UNC5C: variants seen among roughly 807,000 people sequenced by gnomAD.
The protein encoded by UNC5C is netrin receptor UNC5C.
UNC5C carries 47 observed loss-of-function variants against 99.8 expected under a neutral mutation model. That is an observed-to-expected ratio of 0.47 (90% CI 0.37 to 0.60). UNC5C has a LOEUF of 0.60. Ranked by LOEUF, UNC5C falls within the 20% of genes least tolerant of loss-of-function variation. The pLI is 0.00. For missense variants in UNC5C, 1,062 were observed against 1,165.9 expected (o/e 0.91, Z 1.30); for synonymous variants, 487 against 452.2 (o/e 1.08, Z -0.98).
At chr4:95,395,676 T>C (rs533946042) in intron 1 of UNC5C, among the ~76,000 whole-genome samples, 1 of 152,294 alleles carries the variant, frequency 6.6e-6, no homozygotes, top group South Asian at 2.1e-4. Context: ...CATAGCAGTT[T>C]CTCCCATACA....
intron 1 of UNC5C, among the ~76,000 whole-genome samples, chr4:95,504,251 G>T (rs1200136291): frequency 1.3e-5 from 2 of 151,916 alleles, no homozygotes; most frequent in Non-Finnish European, 2.9e-5. Flanking sequence ...AACACTTAGG[G>T]CTTCTGCCTC....
intron 1 of UNC5C, among the ~76,000 whole-genome samples, chr4:95,517,525 G>A (rs890093125): frequency 1.3e-5 from 2 of 152,148 alleles, no homozygotes; most frequent in African/African-American, 4.8e-5. Flanking sequence ...TAATCTTATT[G>A]AAATGCTCCT....
chr4:95,494,648 G>C (rs1428489898), intron 1 of UNC5C, among the ~76,000 whole-genome samples: 1 of 151,508 alleles, frequency 6.6e-6, no homozygotes, highest in East Asian at 1.9e-4. Flanking sequence ...ATGGAGGACA[G>C]AGGTCTTCTG....
At position 95,164,672 on chromosome 4, in the gene UNC5C, T is replaced by C. The variant is rs1735794625; in HGVS notation, c.*4562A>G. ...ATTATCTTGAGCAATGATGTACTGC[T>C]TCACAAAAGCTCTTCCATTCTCAAA... is the stretch of plus-strand genomic sequence containing the variant. On this transcript the variant is annotated 3_prime_UTR_variant, in exon 16 of 16. Transcript: ENST00000453304. 6.6e-6 allele frequency: 1 copy of C among 152,248 alleles called. No homozygotes were observed. The highest frequency in any genetic ancestry group is 2.4e-5 in the African/African-American group (1 of 41,476). 9.4% of individuals were successfully genotyped at this position (152,248 alleles called of 1,614,324 possible).
chr4:95,513,924 T>C (rs1056435064), intron 1 of UNC5C, among the ~76,000 whole-genome samples: 1 of 152,194 alleles, frequency 6.6e-6, no homozygotes, highest in African/African-American at 2.4e-5. Flanking sequence ...TAACTTTCTT[T>C]TAAACTTTAA....
chr4:95,268,371 ATGTTT>A (rs1740530858), intron 4 of UNC5C, among the ~76,000 whole-genome samples: 1 of 152,204 alleles, frequency 6.6e-6, no homozygotes, highest in Admixed American at 6.5e-5. Flanking sequence ...GGGCAATGTA[ATGTTT>A]TGTTGTTGTT....
chr4:95,170,979 T>C (rs910200424), intron 14 of UNC5C, among the ~76,000 whole-genome samples: 1 of 152,260 alleles, frequency 6.6e-6, no homozygotes, highest in Non-Finnish European at 1.5e-5. Context: ...AATTGCTGTA[T>C]ATCCTTATTT....
At chr4:95,323,133 C>A (rs1415122862) in intron 2 of UNC5C, among the ~76,000 whole-genome samples, 2 of 152,054 alleles carry the variant, frequency 1.3e-5, no homozygotes, top group African/African-American at 4.8e-5. Context: ...TGAGATACTT[C>A]TTTAAGAATG....
chr4:95,169,144 A>G lies in UNC5C; in HGVS notation c.*90T>C. 1 of 1,541,278 alleles carries G rather than the reference A, an allele frequency of 6.5e-7. No homozygotes were observed. Among genetic ancestry groups the G allele is most frequent in the Non-Finnish European group, 8.9e-7 (1 of 1,128,964 alleles). The stretch of plus-strand genomic sequence containing the variant: ...CTTGCCTGTGAAGTGCATTGGTCTC[A>G]TCTGGATTTCCTCCTCAGCTGTGAT... On this transcript the variant is annotated 3_prime_UTR_variant, in exon 16 of 16. Transcript: ENST00000453304.
intron 1 of UNC5C, among the ~76,000 whole-genome samples, chr4:95,422,854 C>T (rs1746360968): frequency 6.6e-6 from 1 of 152,158 alleles, no homozygotes; most frequent in African/African-American, 2.4e-5. Flanking sequence ...TGTGTTTCCT[C>T]TTCCAGATGC....
chr4:95,301,279 T>TCTGCCTCCTGGGTTCAGGC lies in UNC5C; in HGVS notation c.490+308_490+326dup, dbSNP rs566128215. ...GGCATAATCTCGGCTCACTGCAAGCTCTGCCTCCTGGGTTCAGGCCATTCT... is the reference window on the plus strand; with the variant it reads ...GGCATAATCTCGGCTCACTGCAAGCTCTGCCTCCTGGGTTCAGGCCTGCCTCCTGGGTTCAGGCCATTCT... On this transcript the variant is annotated intron_variant, in intron 3 of 15. Transcript: ENST00000453304. Among the ~76,000 whole-genome samples, 118 of 147,348 alleles carry TCTGCCTCCTGGGTTCAGGC rather than the reference T, an allele frequency of 8.0e-4. 1 individual carries two copies. Among genetic ancestry groups the TCTGCCTCCTGGGTTCAGGC allele is most frequent in the African/African-American group, 2.9e-3 (115 of 40,042 alleles).
At chr4:95,208,845 G>A (rs1010818182) in intron 10 of UNC5C, among the ~76,000 whole-genome samples, 2 of 152,084 alleles carry the variant, frequency 1.3e-5, no homozygotes, top group African/African-American at 4.8e-5. Context: ...TCTAGTTTTT[G>A]TCTATGGTTT....
chr4:95,478,243 C>T (rs1406443392), intron 1 of UNC5C, among the ~76,000 whole-genome samples: 1 of 151,876 alleles, frequency 6.6e-6, no homozygotes, highest in Non-Finnish European at 1.5e-5. Flanking sequence ...TCTAGTAATC[C>T]TTGCCAGTAA....
intron 1 of UNC5C, among the ~76,000 whole-genome samples, chr4:95,524,551 G>A (rs1332330459): frequency 2.0e-5 from 3 of 152,132 alleles, no homozygotes; most frequent in Non-Finnish European, 4.4e-5. Flanking sequence ...ACTGGAAGCT[G>A]CCACCATATT....
At chr4:95,275,025 C>CAAACAAAACAAAATA (rs1553959878) in intron 4 of UNC5C, among the ~76,000 whole-genome samples, 14 of 150,278 alleles carry the variant, frequency 9.3e-5, no homozygotes, top group Admixed American at 1.3e-4. Flanking sequence ...GACTCCGTGT[C>CAAACAAAACAAAATA]AAACAAAACA....
At chr4:95,306,009 T>C (rs1320834284) in intron 2 of UNC5C, among the ~76,000 whole-genome samples, 1 of 152,100 alleles carries the variant, frequency 6.6e-6, no homozygotes, top group Non-Finnish European at 1.5e-5. Context: ...TGAGCACAAA[T>C]ACATGCTTAA....
intron 1 of UNC5C, among the ~76,000 whole-genome samples, chr4:95,449,373 T>C (rs1747216959): frequency 6.6e-6 from 1 of 152,190 alleles, no homozygotes; most frequent in Non-Finnish European, 1.5e-5. Context: ...CACTTATGGA[T>C]TGAACACTTA....
intron 3 of UNC5C, among the ~76,000 whole-genome samples, chr4:95,281,401 A>G (rs746450526): frequency 6.6e-5 from 10 of 152,188 alleles, no homozygotes; most frequent in Non-Finnish European, 1.3e-4. Flanking sequence ...CTGTCATGCT[A>G]TGGAAAGGCA....
At chr4:95,211,937 G>T (rs1010154260) in intron 10 of UNC5C, among the ~76,000 whole-genome samples, 1 of 152,004 alleles carries the variant, frequency 6.6e-6, no homozygotes, top group Non-Finnish European at 1.5e-5. Flanking sequence ...CCTTTTTATG[G>T]CTCTTCCTTC....
Sources: allele counts gnomAD v4.1 joint callset (sites outside exome capture counted in the v4.1 genomes callset), GRCh38; gene constraint gnomAD v4.1.1; transcripts MANE v1.5; gene names NCBI Gene and HGNC (gene_info 2026-07-23, HGNC 2026-07-21).